The following PDE3A variants were observed in gnomAD, a reference collection of about 807,000 sequenced individuals.
The protein encoded by PDE3A is cGMP-inhibited 3',5'-cyclic phosphodiesterase 3A.
PDE3A carries 43 observed loss-of-function variants against 98.3 expected under a neutral mutation model. The ratio of observed to expected loss-of-function variants is 0.44; its 90% CI spans 0.34 to 0.56. The LOEUF is 0.56. Ranked by LOEUF, PDE3A falls within the 20% of genes least tolerant of loss-of-function variation. The pLI is 0.01. For synonymous variants in PDE3A, 663 were observed against 567.9 expected, an observed-to-expected ratio of 1.17 and a Z score of -2.38; for missense variants, 1,427 against 1,440.7, an observed-to-expected ratio of 0.99 and a Z score of 0.15.
At chr12:20,499,957 A>T (rs982547759) in intron 1 of PDE3A, among the ~76,000 whole-genome samples, 2 of 152,148 alleles carry the variant, frequency 1.3e-5, no homozygotes, top group Non-Finnish European at 2.9e-5. Context: ...GTTTAACAAG[A>T]TTAAATGACT....
At chr12:20,378,420 C>T (rs1273423456) in intron 1 of PDE3A, among the ~76,000 whole-genome samples, 1 of 151,550 alleles carries the variant, frequency 6.6e-6, no homozygotes, top group African/African-American at 2.4e-5. Context: ...TTTAAAAATA[C>T]ATTTATTATG....
At position 20,683,355 on chromosome 12, in the gene PDE3A, G is replaced by C. The variant is rs943259623; in HGVS notation, c.*3084G>C. Reference sequence around the variant, plus strand: ...TTTTTATATGAGCCTATTTATAGGTGCCATTAAACTCAGGTCTTTCAAATG... The same window carrying C: ...TTTTTATATGAGCCTATTTATAGGTCCCATTAAACTCAGGTCTTTCAAATG... On this transcript the variant is annotated 3_prime_UTR_variant, in exon 16 of 16. Transcript: ENST00000359062. 1 of 152,112 alleles carries C rather than the reference G, an allele frequency of 6.6e-6. No individual in the cohort carries two copies. The allele number at this position is 152,112 out of a possible 1,614,324, so 9.4% of individuals were successfully genotyped here.
chr12:20,683,516 A>C lies in PDE3A; in HGVS notation c.*3245A>C, dbSNP rs1367128754. 1 of 152,122 alleles carries C rather than the reference A, an allele frequency of 6.6e-6. No homozygotes were observed. The highest frequency in any genetic ancestry group is 1.5e-5 in the Non-Finnish European group (1 of 68,008). 9.4% of individuals were successfully genotyped at this position (152,122 alleles called of 1,614,324 possible). A position where few individuals can be genotyped will look rare whatever the true frequency, so the allele number is the denominator to read the frequency against. ...AAAGTAAGAGACCAGGTGTATTCTG[A>C]GTGTCATCAGTGTTATTTTCAGCAT... On this transcript the variant is annotated 3_prime_UTR_variant, in exon 16 of 16. Coordinates refer to ENST00000359062, the MANE Select transcript of PDE3A (RefSeq NM_000921.5).
chr12:20,499,935 G>A (rs144311748), intron 1 of PDE3A, among the ~76,000 whole-genome samples: 3 of 152,092 alleles, frequency 2.0e-5, no homozygotes, highest in South Asian at 2.1e-4. Context: ...TAATTTTACT[G>A]ATAAGAGCTG....
At chr12:20,662,060 T>C (rs1275517243) in intron 15 of PDE3A, among the ~76,000 whole-genome samples, 1 of 149,476 alleles carries the variant, frequency 6.7e-6, no homozygotes, top group Non-Finnish European at 1.5e-5. Context: ...CCCAACACTA[T>C]AGGATGCCCC....
At chr12:20,626,982 ATG>A (rs1944276286) in intron 5 of PDE3A, among the ~76,000 whole-genome samples, 1 of 152,120 alleles carries the variant, frequency 6.6e-6, no homozygotes, top group Non-Finnish European at 1.5e-5. Context: ...GAATTTTAAA[ATG>A]TGTGTTTGAG....
chr12:20,566,224 T>G (rs1942651475), intron 2 of PDE3A, among the ~76,000 whole-genome samples: 1 of 151,946 alleles, frequency 6.6e-6, no homozygotes, highest in African/African-American at 2.4e-5. Flanking sequence ...TTCTCCTTTT[T>G]TGGTGGTGAT....
intron 1 of PDE3A, among the ~76,000 whole-genome samples, chr12:20,428,703 C>T (rs1280183177): frequency 1.3e-5 from 2 of 152,100 alleles, no homozygotes; most frequent in Non-Finnish European, 2.9e-5. Flanking sequence ...CATGCTTTTG[C>T]ACATATAAAC....
intron 14 of PDE3A, among the ~76,000 whole-genome samples, chr12:20,651,006 TTTA>T (rs1400600450): frequency 1.3e-5 from 2 of 152,180 alleles, no homozygotes; most frequent in African/African-American, 4.8e-5. Flanking sequence ...TCCTAAAAAA[TTTA>T]TTTATTATCA....
chr12:20,431,187 A>G (rs543936873), intron 1 of PDE3A, among the ~76,000 whole-genome samples: 9 of 152,216 alleles, frequency 5.9e-5, no homozygotes, highest in African/African-American at 2.2e-4. Context: ...TTGATTATCT[A>G]TTTTCAAAAT....
chr12:20,450,210 T>G (rs1591945635), intron 1 of PDE3A: 1 of 279,596 alleles, frequency 3.6e-6, no homozygotes, highest in Non-Finnish European at 6.9e-6. Context: ...TCAATAATTA[T>G]ATATTGAGTG....
chr12:20,546,343 G>A (rs774898436), intron 1 of PDE3A, among the ~76,000 whole-genome samples: 5 of 150,554 alleles, frequency 3.3e-5, no homozygotes, highest in African/African-American at 4.9e-5. Flanking sequence ...TTCTTACTCC[G>A]TTAATAAGAA....
chr12:20,522,296 A>T (rs1352138046), intron 1 of PDE3A, among the ~76,000 whole-genome samples: 1 of 152,178 alleles, frequency 6.6e-6, no homozygotes, highest in African/African-American at 2.4e-5. Flanking sequence ...TTCCCAGATC[A>T]TTAGTATCAG....
intron 1 of PDE3A, among the ~76,000 whole-genome samples, chr12:20,481,794 G>A (rs1413938169): frequency 2.8e-4 from 7 of 25,352 alleles, no homozygotes; most frequent in Non-Finnish European, 4.8e-4. Context: ...TTTGAGCAGA[G>A]TCTCTTGTCA....
chr12:20,560,828 T>C (rs76284560), intron 2 of PDE3A, among the ~76,000 whole-genome samples: 4,749 of 152,178 alleles, frequency 0.031, 95 homozygotes, highest in Middle Eastern at 0.058. Context: ...TTTTGGCACT[T>C]CTTTATGTGT....
intron 1 of PDE3A, among the ~76,000 whole-genome samples, chr12:20,488,937 G>C (rs1945780281): frequency 6.6e-6 from 1 of 151,174 alleles, no homozygotes; most frequent in African/African-American, 2.4e-5. Flanking sequence ...GGATCATTAT[G>C]CCAGAAGTAT....
intron 1 of PDE3A, among the ~76,000 whole-genome samples, chr12:20,404,286 A>AT (rs1173733773): frequency 6.6e-6 from 1 of 151,936 alleles, no homozygotes; most frequent in African/African-American, 2.4e-5. Flanking sequence ...ATATATTATT[A>AT]TTTTTTCCTC....
At chr12:20,530,452 T>C (rs1046810684) in intron 1 of PDE3A, among the ~76,000 whole-genome samples, 8 of 151,972 alleles carry the variant, frequency 5.3e-5, no homozygotes, top group African/African-American at 1.9e-4. Flanking sequence ...AAGAATTGAC[T>C]ATGAGTCTGT....
chr12:20,396,106 A>G (rs1291370210), intron 1 of PDE3A, among the ~76,000 whole-genome samples: 1 of 152,146 alleles, frequency 6.6e-6, no homozygotes, highest in Non-Finnish European at 1.5e-5. Flanking sequence ...TTCAAAAAAC[A>G]TACATTCCTT....
Sources: allele counts gnomAD v4.1 joint callset (sites outside exome capture counted in the v4.1 genomes callset), GRCh38; gene constraint gnomAD v4.1.1; transcripts MANE v1.5; gene names NCBI Gene and HGNC (gene_info 2026-07-23, HGNC 2026-07-21).